Variants in CSMD1 observed in about 807,000 individuals in gnomAD.
CSMD1 encodes CUB and sushi domain-containing protein 1.
In CSMD1, 213 loss-of-function variants were observed where a neutral mutation model predicts 417.5. That is an observed-to-expected ratio of 0.51 (90% confidence interval 0.46 to 0.57). The LOEUF (loss-of-function observed/expected upper bound fraction) is 0.57, where lower values mean the gene tolerates loss of function less well. Ranked by LOEUF, CSMD1 falls within the 20% of genes least tolerant of loss-of-function variation. CSMD1 has a pLI of 0.00. For missense variants in CSMD1, 6,923 were observed against 4,529.7 expected (o/e 1.53, Z -15.17); for synonymous variants, 2,862 against 1,736.8 (o/e 1.65, Z -16.11).
intron 1 of CSMD1, among the ~76,000 whole-genome samples, chr8:4,810,266 C>T (rs916650884): frequency 7.2e-5 from 11 of 152,120 alleles, no homozygotes; most frequent in Admixed American, 2.0e-4. Flanking sequence ...AATGATTTAC[C>T]TAATAAAATT....
intron 5 of CSMD1, among the ~76,000 whole-genome samples, chr8:3,855,111 G>A (rs1293272816): frequency 6.6e-6 from 1 of 151,944 alleles, no homozygotes; most frequent in Non-Finnish European, 1.5e-5. Flanking sequence ...TTGAAGCTAT[G>A]GTTTTAAATA....
At chr8:4,139,036 C>A (rs975767033) in intron 3 of CSMD1, among the ~76,000 whole-genome samples, 5 of 152,162 alleles carry the variant, frequency 3.3e-5, no homozygotes, top group Non-Finnish European at 5.9e-5. Flanking sequence ...CATGTTTCAG[C>A]ACCTGAGACA....
intron 57 of CSMD1, among the ~76,000 whole-genome samples, chr8:2,972,228 C>A (rs1804522128): frequency 6.6e-6 from 1 of 152,024 alleles, no homozygotes; most frequent in Non-Finnish European, 1.5e-5. Flanking sequence ...ACAGTATAGT[C>A]AAGGACAATA....
At chr8:3,601,547 A>G (rs2074980278) in intron 8 of CSMD1, among the ~76,000 whole-genome samples, 1 of 152,160 alleles carries the variant, frequency 6.6e-6, no homozygotes, top group South Asian at 2.1e-4. Context: ...AGGCACTTAT[A>G]AAAGGTCTAA....
At chr8:4,336,369 A>C (rs920611405) in intron 3 of CSMD1, among the ~76,000 whole-genome samples, 1 of 152,114 alleles carries the variant, frequency 6.6e-6, no homozygotes, top group African/African-American at 2.4e-5. Flanking sequence ...ATTAACAGGC[A>C]ACTGTGCCTG....
At chr8:4,213,663 G>A (rs1409953825) in intron 3 of CSMD1, among the ~76,000 whole-genome samples, 10 of 152,236 alleles carry the variant, frequency 6.6e-5, no homozygotes, top group Non-Finnish European at 1.5e-5. Context: ...CTCAGCAACT[G>A]AGATGAAAGC....
At chr8:4,023,962 G>C (rs1399274252) in intron 4 of CSMD1, among the ~76,000 whole-genome samples, 1 of 151,446 alleles carries the variant, frequency 6.6e-6, no homozygotes, top group East Asian at 1.9e-4. Flanking sequence ...CATTAAGAGC[G>C]ACTTCATTAT....
At chr8:3,329,756 C>G (rs1371173422) in intron 23 of CSMD1, among the ~76,000 whole-genome samples, 2 of 152,156 alleles carry the variant, frequency 1.3e-5, no homozygotes, top group Non-Finnish European at 2.9e-5. Flanking sequence ...GCCATGCCAT[C>G]AGTCTGTGCA....
At chr8:4,792,491 G>T (rs189847363) in intron 1 of CSMD1, among the ~76,000 whole-genome samples, 2 of 151,964 alleles carry the variant, frequency 1.3e-5, no homozygotes, top group African/African-American at 4.8e-5. Context: ...TTCTATTCCC[G>T]TTCCCTGGGC....
intron 1 of CSMD1, among the ~76,000 whole-genome samples, chr8:4,672,963 AAC>A (rs1331463288): frequency 6.6e-6 from 1 of 152,000 alleles, no homozygotes; most frequent in Non-Finnish European, 1.5e-5. Context: ...ACACATACAT[AAC>A]ACACACGTTT....
intron 1 of CSMD1, chr8:4,787,891 T>G: frequency 6.3e-7 from 1 of 1,582,442 alleles, no homozygotes; most frequent in Non-Finnish European, 8.6e-7. Context: ...GAAGATTGAA[T>G]TTGGTGTTGA....
rs527276689 is a variant in CSMD1, at chr8:3,352,086, G to A, written c.3305-3925C>T. Among the ~76,000 whole-genome samples the A allele has an allele frequency of 1.2e-4, 19 of 152,168 alleles. 1 individual carries two copies. In the South Asian group the frequency reaches 3.3e-3, roughly 27 times the overall value. On this transcript the variant is annotated intron_variant, in intron 21 of 69. Transcript: ENST00000635120. ...TTAGCCATTGTATCCTGAGGGCCTAGTGCTTCATGAGTCCACTTGACACCG... is the reference window on the plus strand; with the variant it reads ...TTAGCCATTGTATCCTGAGGGCCTAATGCTTCATGAGTCCACTTGACACCG...
chr8:3,207,637 C>G (rs967602720), intron 30 of CSMD1, among the ~76,000 whole-genome samples: 3 of 152,038 alleles, frequency 2.0e-5, no homozygotes, highest in Non-Finnish European at 4.4e-5. Context: ...TTTCCTGAAT[C>G]CCTGCATTAC....
intron 25 of CSMD1, among the ~76,000 whole-genome samples, chr8:3,298,839 G>C (rs753068878): frequency 6.6e-6 from 1 of 152,154 alleles, no homozygotes; most frequent in African/African-American, 2.4e-5. Flanking sequence ...AATTTGAATA[G>C]AGCTCAAAGG....
intron 48 of CSMD1, 95 bp downstream of exon 48, chr8:3,091,421 G>A (rs971715665): frequency 7.9e-6 from 7 of 885,288 alleles, no homozygotes; most frequent in Middle Eastern, 3.5e-4. Context: ...TAAGAATTAG[G>A]ATTATACTAT....
intron 3 of CSMD1, among the ~76,000 whole-genome samples, chr8:4,059,224 A>T (rs1367129853): frequency 1.3e-5 from 2 of 152,188 alleles, no homozygotes; most frequent in African/African-American, 4.8e-5. Flanking sequence ...GGCAGAAATA[A>T]AGATGTTCTT....
intron 25 of CSMD1, among the ~76,000 whole-genome samples, chr8:3,294,079 G>A (rs1384856472): frequency 1.3e-5 from 2 of 152,206 alleles, no homozygotes; most frequent in African/African-American, 2.4e-5. Context: ...GTTGGAGTTT[G>A]CTGGAGGTGC....
chr8:3,308,746 T>C (rs967304489), intron 23 of CSMD1, among the ~76,000 whole-genome samples: 15 of 148,310 alleles, frequency 1.0e-4, no homozygotes, highest in African/African-American at 3.2e-4. Flanking sequence ...TTTTTTTTTT[T>C]TTTTTTTGCT....
chr8:4,361,922 G>T (rs898267830), intron 3 of CSMD1, among the ~76,000 whole-genome samples: 1 of 152,002 alleles, frequency 6.6e-6, no homozygotes, highest in East Asian at 1.9e-4. Flanking sequence ...TCCACTGCAC[G>T]CCAAGGCCCT....
Sources: gnomAD v4.1 joint callset for allele counts (sites outside exome capture counted in the v4.1 genomes callset) on GRCh38, gnomAD v4.1.1 for gene constraint, MANE v1.5 for transcripts, NCBI Gene and HGNC (gene_info 2026-07-23, HGNC 2026-07-21) for gene names.